Variants in KCNJ12 observed in about 807,000 individuals in gnomAD.
KCNJ12 encodes the protein ATP-sensitive inward rectifier potassium channel 12.
KCNJ12 carries 2 observed loss-of-function variants against 22.3 expected under a neutral mutation model. The ratio of observed to expected loss-of-function variants is 0.09; its 90% CI spans 0.04 to 0.28. The LOEUF (loss-of-function observed/expected upper bound fraction) is 0.28. KCNJ12 is among the 10% of genes least tolerant of loss of function. The pLI is 1.00. For synonymous variants in KCNJ12, 117 were observed against 261.4 expected (o/e 0.45, Z 5.33); for missense variants, 155 against 633.3 (o/e 0.24, Z 8.11).
intron 1 of KCNJ12, among the ~76,000 whole-genome samples, chr17:21,386,481 A>G (rs1483204419): frequency 3.9e-5 from 6 of 151,994 alleles, no homozygotes; most frequent in African/African-American, 1.5e-4. Context: ...TGCCTGGCAA[A>G]TTTTTAATTT....
intron 1 of KCNJ12, among the ~76,000 whole-genome samples, chr17:21,397,840 C>T (rs948399469): frequency 2.6e-5 from 4 of 152,228 alleles, no homozygotes; most frequent in African/African-American, 4.8e-5. Context: ...GCTGACAGCG[C>T]ACAGCAGGGA....
At chr17:21,384,042 C>A (rs1329509239) in intron 1 of KCNJ12, among the ~76,000 whole-genome samples, 1 of 152,042 alleles carries the variant, frequency 6.6e-6, no homozygotes, top group Non-Finnish European at 1.5e-5. Context: ...CTTGGGGTGA[C>A]CATCATTAGA....
intron 1 of KCNJ12, among the ~76,000 whole-genome samples, chr17:21,403,873 G>A (rs73310166): frequency 1.3e-5 from 2 of 152,408 alleles, no homozygotes; most frequent in Non-Finnish European, 1.5e-5. Flanking sequence ...AGGCCACACA[G>A]GAAGGGATGG....
At chr17:21,412,193 C>T (rs1422257109) in intron 2 of KCNJ12, among the ~76,000 whole-genome samples, 1 of 152,290 alleles carries the variant, frequency 6.6e-6, no homozygotes, top group Non-Finnish European at 1.5e-5. Flanking sequence ...TGAACTTGAC[C>T]TTGTTGATGC....
chr17:21,407,279 C>T (rs1383458815), intron 1 of KCNJ12, among the ~76,000 whole-genome samples: 3 of 152,186 alleles, frequency 2.0e-5, no homozygotes, highest in Non-Finnish European at 2.9e-5. Flanking sequence ...TCTCTACCCA[C>T]CCATACACTC....
At chr17:21,387,815 A>G (rs1274507875) in intron 1 of KCNJ12, among the ~76,000 whole-genome samples, 1 of 152,184 alleles carries the variant, frequency 6.6e-6, no homozygotes, top group Non-Finnish European at 1.5e-5. Context: ...ATTCCTGGAC[A>G]CGGAGGTCCT....
chr17:21,415,624 C>T lies in KCNJ12; in HGVS notation c.282C>T (p.Ser94=), dbSNP rs782654234. ...TCTTCTCGCTGGCCTTCCTTGCCTC[C>T]TGGCTGCTGTTCGGCATCATCTTCT... ...LLIFSLAFLA[S]WLLFGIIFWV... The change falls in exon 3 of 3, where the codon TCC becomes TCT. Residue 94 remains serine (S), a synonymous_variant. Coordinates refer to ENST00000583088, the MANE Select transcript of KCNJ12 (RefSeq NM_021012.5). 7 of 1,613,934 alleles carry T rather than the reference C, an allele frequency of 4.3e-6. No individual in the cohort carries two copies. Among genetic ancestry groups the T allele is most frequent in the Non-Finnish European group, 5.9e-6 (7 of 1,180,002 alleles).
intron 1 of KCNJ12, among the ~76,000 whole-genome samples, chr17:21,393,293 A>G (rs782809966): frequency 6.6e-6 from 1 of 152,098 alleles, no homozygotes; most frequent in South Asian, 2.1e-4. Context: ...GCCACAGTAG[A>G]GGGGTCTGGC....
At chr17:21,400,492 G>C (rs1210189088) in intron 1 of KCNJ12, among the ~76,000 whole-genome samples, 1 of 152,302 alleles carries the variant, frequency 6.6e-6, no homozygotes, top group Non-Finnish European at 1.5e-5. Flanking sequence ...CGGGCACAGG[G>C]CTGACCACCC....
At chr17:21,392,100 T>C (rs1412928599) in intron 1 of KCNJ12, among the ~76,000 whole-genome samples, 1 of 152,178 alleles carries the variant, frequency 6.6e-6, no homozygotes, top group African/African-American at 2.4e-5. Context: ...CTTCCCTCTC[T>C]CCTGAGCTGC....
At chr17:21,388,596 G>A (rs1905132707) in intron 1 of KCNJ12, among the ~76,000 whole-genome samples, 1 of 152,210 alleles carries the variant, frequency 6.6e-6, no homozygotes, top group Non-Finnish European at 1.5e-5. Flanking sequence ...TGGTGTCACC[G>A]GGTGCCTTTA....
At chr17:21,377,132 T>C (rs1555557364) in intron 1 of KCNJ12, among the ~76,000 whole-genome samples, 1 of 152,212 alleles carries the variant, frequency 6.6e-6, no homozygotes, top group Non-Finnish European at 1.5e-5. Flanking sequence ...TTTCCTGCCA[T>C]GTCTCCGGCT....
At chr17:21,384,211 G>A (rs782695900) in intron 1 of KCNJ12, among the ~76,000 whole-genome samples, 6 of 152,166 alleles carry the variant, frequency 3.9e-5, no homozygotes, top group African/African-American at 7.2e-5. Context: ...TGTGGTGCCC[G>A]TGCCCACTGG....
chr17:21,377,184 G>C (rs1369734889), intron 1 of KCNJ12, among the ~76,000 whole-genome samples: 2 of 152,130 alleles, frequency 1.3e-5, no homozygotes, highest in Non-Finnish European at 2.9e-5. Context: ...CTTCGTCCTG[G>C]GGGGCGCTCC....
At position 21,416,570 on chromosome 17, in the gene KCNJ12, C is replaced by T. The variant is rs550496794; in HGVS notation, c.1228C>T (p.His410Tyr). ...SRDGLSPQAR[H>Y]DFDRLQAGGG... Reference sequence around the variant, plus strand: ...GGACGGCCTCAGCCCCCAGGCCAGGCATGACTTTGACAGACTCCAGGCTGG... The same window carrying T: ...GGACGGCCTCAGCCCCCAGGCCAGGTATGACTTTGACAGACTCCAGGCTGG... The change falls in exon 3 of 3, where the codon CAT becomes TAT. Residue 410 changes from histidine to tyrosine, a missense_variant. By Grantham distance (83) the His-to-Tyr change is moderately conservative (BLOSUM62 2). Coordinates refer to ENST00000583088, the MANE Select transcript of KCNJ12 (RefSeq NM_021012.5). 1 of 1,605,740 alleles carries T rather than the reference C, an allele frequency of 6.2e-7. No individual in the cohort carries two copies. The highest frequency in any genetic ancestry group is 8.5e-7 in the Non-Finnish European group (1 of 1,175,316).
chr17:21,382,696 C>T (rs577254674), intron 1 of KCNJ12, among the ~76,000 whole-genome samples: 115 of 152,224 alleles, frequency 7.6e-4, no homozygotes, highest in South Asian at 2.7e-3. Context: ...GGCTGGTGGC[C>T]CCTTTTGTGG....
At chr17:21,408,965 C>T (rs1217428729) in intron 2 of KCNJ12, among the ~76,000 whole-genome samples, 4 of 152,312 alleles carry the variant, frequency 2.6e-5, no homozygotes, top group Non-Finnish European at 5.9e-5. Context: ...CCGATTTATC[C>T]ACCCATCTGC....
intron 1 of KCNJ12, among the ~76,000 whole-genome samples, chr17:21,407,723 C>T (rs1479959425): frequency 1.3e-5 from 2 of 152,312 alleles, no homozygotes; most frequent in African/African-American, 4.8e-5. Context: ...ACTTATCCAT[C>T]CATCTATCCA....
At chr17:21,386,738 C>T (rs1555558696) in intron 1 of KCNJ12, among the ~76,000 whole-genome samples, 1 of 152,076 alleles carries the variant, frequency 6.6e-6, no homozygotes, top group East Asian at 1.9e-4. Flanking sequence ...GATCTCTTGA[C>T]CTTGTGATCC....
Sources: gnomAD v4.1 joint callset for allele counts (sites outside exome capture counted in the v4.1 genomes callset) on GRCh38, gnomAD v4.1.1 for gene constraint, MANE v1.5 for transcripts, NCBI Gene and HGNC (gene_info 2026-07-23, HGNC 2026-07-21) for gene names.